The following PIP4K2A variants were observed in gnomAD, a reference collection of about 807,000 sequenced individuals.
PIP4K2A encodes the protein phosphatidylinositol-5-phosphate 4-kinase type 2 alpha, also known as phosphatidylinositol 5-phosphate 4-kinase type-2 alpha.
A neutral mutation model predicts 42.9 loss-of-function variants in PIP4K2A; 14 were observed. The observed-to-expected ratio is 0.33, with a 90% confidence interval of 0.22 to 0.51. The LOEUF is 0.51. Ranked by LOEUF, PIP4K2A falls within the 20% of genes least tolerant of loss-of-function variation. The pLI, the probability that PIP4K2A is intolerant of heterozygous loss-of-function variation, is 0.97. For missense variants in PIP4K2A, 434 were observed against 519.8 expected (o/e 0.83, Z 1.61); for synonymous variants, 192 against 192.2 (o/e 1.00, Z 0.01).
chr10:22,673,745 T>C (rs1035201843), intron 1 of PIP4K2A, among the ~76,000 whole-genome samples: 2 of 152,296 alleles, frequency 1.3e-5, no homozygotes, highest in Non-Finnish European at 2.9e-5. Flanking sequence ...AATAATAAAC[T>C]AGACCCTTAA....
At chr10:22,671,244 G>T (rs1839443372) in intron 1 of PIP4K2A, among the ~76,000 whole-genome samples, 1 of 151,968 alleles carries the variant, frequency 6.6e-6, no homozygotes, top group Non-Finnish European at 1.5e-5. Flanking sequence ...GACTGCCTTT[G>T]GCAATAAACC....
chr10:22,612,825 T>C (rs11013066), intron 1 of PIP4K2A, among the ~76,000 whole-genome samples: 40,071 of 152,040 alleles, frequency 0.26, 5,655 homozygotes, highest in African/African-American at 0.34. Flanking sequence ...TAAGTGTCAA[T>C]GTCAGGTAGG....
At chr10:22,644,415 C>T (rs1167349677) in intron 1 of PIP4K2A, among the ~76,000 whole-genome samples, 1 of 152,230 alleles carries the variant, frequency 6.6e-6, no homozygotes, top group East Asian at 1.9e-4. Context: ...CAGCCCAGGG[C>T]ATCCTATGCA....
chr10:22,573,217 G>C, intron 5 of PIP4K2A, 94 bp downstream of exon 5: 3 of 1,117,382 alleles, frequency 2.7e-6, no homozygotes, highest in Non-Finnish European at 4.0e-6. Flanking sequence ...AGTGCTGAGC[G>C]GCTCCTAAGC....
At chr10:22,553,476 G>A (rs1047805554) in intron 6 of PIP4K2A, among the ~76,000 whole-genome samples, 3 of 152,206 alleles carry the variant, frequency 2.0e-5, no homozygotes, top group Non-Finnish European at 4.4e-5. Flanking sequence ...CACTTTGTGT[G>A]CGTCATTTTA....
chr10:22,695,765 T>G (rs1011953366), intron 1 of PIP4K2A, among the ~76,000 whole-genome samples: 3 of 152,310 alleles, frequency 2.0e-5, no homozygotes, highest in Non-Finnish European at 2.9e-5. Flanking sequence ...CTCTAGTCCA[T>G]GTGTAAGTAC....
At chr10:22,611,193 A>C (rs1042937360) in intron 1 of PIP4K2A, among the ~76,000 whole-genome samples, 1 of 152,182 alleles carries the variant, frequency 6.6e-6, no homozygotes, top group Admixed American at 6.5e-5. Flanking sequence ...CTTTGAGACC[A>C]GCCTAGGCAA....
rs1287056715 is a variant in PIP4K2A, at chr10:22,549,179, T to G, written c.792+1480A>C. ...TAAAGGTAAAATAATGTAAAAAATT[T>G]TATTAAACTAATTTATGATCTAAAA... is the stretch of plus-strand genomic sequence containing the variant. On this transcript the variant is annotated intron_variant, in intron 7 of 9. Coordinates refer to ENST00000376573, the MANE Select transcript of PIP4K2A (RefSeq NM_005028.5). Among the ~76,000 whole-genome samples, 3 of 152,224 alleles carry G rather than the reference T, an allele frequency of 2.0e-5. No homozygotes were observed. The South Asian group carries it at 6.2e-4, about 31-fold the overall frequency.
intron 1 of PIP4K2A, among the ~76,000 whole-genome samples, chr10:22,707,740 T>C (rs1462718143): frequency 6.6e-6 from 1 of 152,156 alleles, no homozygotes; most frequent in African/African-American, 2.4e-5. Context: ...CCAAGAATTC[T>C]TCCTGGCTGC....
intron 4 of PIP4K2A, among the ~76,000 whole-genome samples, chr10:22,580,474 A>G (rs1455852770): frequency 1.3e-5 from 2 of 151,896 alleles, no homozygotes; most frequent in Non-Finnish European, 2.9e-5. Flanking sequence ...ACATGGCGAA[A>G]CTCCATCTCA....
At chr10:22,554,335 CTT>C (rs1395475089) in intron 6 of PIP4K2A, among the ~76,000 whole-genome samples, 3 of 151,788 alleles carry the variant, frequency 2.0e-5, no homozygotes, top group Non-Finnish European at 2.9e-5. Flanking sequence ...TTAATAAACT[CTT>C]GGTGTAAAAC....
intron 5 of PIP4K2A, chr10:22,569,149 C>T: frequency 1.1e-6 from 1 of 926,408 alleles, no homozygotes; most frequent in Non-Finnish European, 1.7e-6. Flanking sequence ...GATGCGGAAA[C>T]TTGAACGGAA....
At chr10:22,545,611 C>T (rs996202396) in intron 7 of PIP4K2A, among the ~76,000 whole-genome samples, 1 of 152,250 alleles carries the variant, frequency 6.6e-6, no homozygotes, top group Non-Finnish European at 1.5e-5. Flanking sequence ...ACCCAAAAAC[C>T]ATCAGCATGA....
chr10:22,625,173 T>C (rs1838411622), intron 1 of PIP4K2A, among the ~76,000 whole-genome samples: 1 of 152,222 alleles, frequency 6.6e-6, no homozygotes, highest in Non-Finnish European at 1.5e-5. Context: ...CTTTGTGGGG[T>C]GTATTTTTCA....
intron 1 of PIP4K2A, among the ~76,000 whole-genome samples, chr10:22,664,242 CACACACACAT>C (rs1335413648): frequency 3.8e-5 from 5 of 131,690 alleles, no homozygotes; most frequent in Non-Finnish European, 7.9e-5. Context: ...CACACACACA[CACACACACAT>C]ATATATATAC....
intron 1 of PIP4K2A, among the ~76,000 whole-genome samples, chr10:22,671,745 T>TACACACACACACACACACACACAC (rs143696456): frequency 2.9e-4 from 42 of 144,580 alleles, no homozygotes; most frequent in African/African-American, 8.8e-4. Context: ...ACTTGGAAAA[T>TACACACACACACACACACACACAC]ACACACACAC....
chr10:22,549,396 C>T (rs1381085539), intron 7 of PIP4K2A, among the ~76,000 whole-genome samples: 1 of 151,238 alleles, frequency 6.6e-6, no homozygotes, highest in Non-Finnish European at 1.5e-5. Context: ...AATCTTCCCA[C>T]AAAGCCTCTC....
chr10:22,568,985 G>C, intron 5 of PIP4K2A: 1 of 1,513,840 alleles, frequency 6.6e-7, no homozygotes. Context: ...TGGGTTACTT[G>C]AGTTAGCCAT....
intron 7 of PIP4K2A, among the ~76,000 whole-genome samples, chr10:22,542,544 C>G (rs1233964396): frequency 6.6e-6 from 1 of 152,206 alleles, no homozygotes; most frequent in Non-Finnish European, 1.5e-5. Context: ...AGTAAAGGCA[C>G]TGTGTCCACA....
Sources: gnomAD v4.1 joint callset for allele counts (sites outside exome capture counted in the v4.1 genomes callset) on GRCh38, gnomAD v4.1.1 for gene constraint, MANE v1.5 for transcripts, NCBI Gene and HGNC (gene_info 2026-07-23, HGNC 2026-07-21) for gene names.